Variants in DISC1 observed in about 807,000 individuals in gnomAD.
DISC1 encodes DISC1 scaffold protein, also known as disrupted in schizophrenia 1 protein.
A neutral mutation model predicts 84.5 loss-of-function variants in DISC1; 57 were observed. That is an observed-to-expected ratio of 0.67 (90% CI 0.55 to 0.84). DISC1 has a LOEUF of 0.84. Among genes scored for constraint, DISC1 ranks in the 40% least tolerant of loss-of-function variants. The pLI is 0.00. For synonymous variants in DISC1, 411 were observed against 415.2 expected (o/e 0.99, Z 0.12); for missense variants, 1,000 against 1,057.8 (o/e 0.95, Z 0.76).
At chr1:231,907,131 C>CTTTTTCTTTCTT (rs1334782802) in intron 9 of DISC1, among the ~76,000 whole-genome samples, 4 of 93,100 alleles carry the variant, frequency 4.3e-5, no homozygotes, top group Non-Finnish European at 8.0e-5. Flanking sequence ...TCCTTCCTTC[C>CTTTTTCTTTCTT]TCTTTCTTTC....
chr1:231,847,323 C>T (rs2083524788), intron 9 of DISC1, among the ~76,000 whole-genome samples: 1 of 152,148 alleles, frequency 6.6e-6, no homozygotes, highest in South Asian at 2.1e-4. Context: ...GTTATCACCT[C>T]TCTAAAGACC....
chr1:232,004,909 C>A (rs1352065069), intron 10 of DISC1, among the ~76,000 whole-genome samples: 1 of 118,116 alleles, frequency 8.5e-6, no homozygotes, highest in African/African-American at 3.2e-5. Flanking sequence ...TCCTTCTTTC[C>A]TTCCTTCCTT....
intron 9 of DISC1, among the ~76,000 whole-genome samples, chr1:231,892,011 G>A (rs915517571): frequency 3.3e-5 from 5 of 152,098 alleles, no homozygotes; most frequent in Non-Finnish European, 7.3e-5. Context: ...ATTTCTGGCT[G>A]GAGGTTCCGA....
Position 231,630,234 on chromosome 1 carries a change from A to C in DISC1, c.67+3300A>C, listed in dbSNP as rs930903301. Reference sequence around the variant, plus strand: ...ATGAGCCACTGCGCCGGGCCCTTTAAACAAGATTTAAAGACCAGCACACAA... The same window carrying C: ...ATGAGCCACTGCGCCGGGCCCTTTACACAAGATTTAAAGACCAGCACACAA... On this transcript the variant is annotated intron_variant, in intron 1 of 12. Coordinates refer to ENST00000439617, the MANE Select transcript of DISC1 (RefSeq NM_018662.3). This position sits in a 1 kb window ranked among gnomAD's most constrained non-coding sequence, Gnocchi z 4.4. 6.6e-6 allele frequency among the ~76,000 whole-genome samples: 1 copy of C among 152,190 alleles called. No individual in the cohort carries two copies.
chr1:231,778,409 A>G (rs971173045), intron 6 of DISC1, among the ~76,000 whole-genome samples: 4 of 152,180 alleles, frequency 2.6e-5, no homozygotes, highest in African/African-American at 9.7e-5. Context: ...AACCCCTCAT[A>G]ATTCTATTCC....
At chr1:231,706,460 C>T (rs892197461) in intron 3 of DISC1, among the ~76,000 whole-genome samples, 6 of 152,312 alleles carry the variant, frequency 3.9e-5, no homozygotes, top group East Asian at 3.9e-4. Flanking sequence ...CCTGGCTGCT[C>T]GTGTCCCATG....
rs575801135 is a variant in DISC1 at position 231,951,379 on chromosome 1, T to C, written c.1982-7449T>C. 2.0e-5 allele frequency among the ~76,000 whole-genome samples: 3 copies of C among 152,318 alleles called. No homozygotes were observed. In the South Asian group the frequency reaches 6.2e-4, roughly 32 times the overall value. On this transcript the variant is annotated intron_variant, in intron 9 of 12. Transcript: ENST00000439617. ...ATCATAATGTAAGCTTGGAGGGAAA[T>C]GATTTGGAAATAATTGGGAAGGTAA...
At chr1:232,027,375 C>T (rs200196580) in intron 12 of DISC1, among the ~76,000 whole-genome samples, 18 of 152,330 alleles carry the variant, frequency 1.2e-4, no homozygotes, top group South Asian at 2.1e-4. Context: ...TTCTGCTTCC[C>T]GGTGATAGAA....
intron 1 of DISC1, among the ~76,000 whole-genome samples, chr1:231,684,059 T>A (rs960204232): frequency 1.3e-5 from 2 of 152,098 alleles, no homozygotes; most frequent in Non-Finnish European, 2.9e-5. Flanking sequence ...GGTCTGCATC[T>A]GCTTGTTGAC....
chr1:231,967,303 G>A (rs894896531), intron 10 of DISC1, among the ~76,000 whole-genome samples: 15 of 152,294 alleles, frequency 9.8e-5, no homozygotes, highest in Middle Eastern at 3.4e-3. Context: ...GACGGGAACC[G>A]GGGTCAAAAA....
chr1:232,026,479 C>T lies in DISC1; in HGVS notation c.2352C>T (p.Asp784=). ...LSAELGEKCE[D]IGKKLLYLED... is the part of the protein sequence containing the mutation. ...CAGAACTTGGAGAAAAGTGTGAAGACATAGGCAAGAAGCTATTGTACTTGG... is the reference window on the plus strand; with the variant it reads ...CAGAACTTGGAGAAAAGTGTGAAGATATAGGCAAGAAGCTATTGTACTTGG... Residue 784 remains aspartate (D), a synonymous_variant, in exon 12 of 13, where the codon GAC becomes GAT. Transcript: ENST00000439617. 2 of 1,608,734 alleles carry T rather than the reference C, an allele frequency of 1.2e-6. No individual in the cohort carries two copies. The highest frequency in any genetic ancestry group is 1.7e-6 in the Non-Finnish European group (2 of 1,177,442).
intron 1 of DISC1, among the ~76,000 whole-genome samples, chr1:231,668,800 G>A (rs917003517): frequency 1.3e-5 from 2 of 152,182 alleles, no homozygotes; most frequent in African/African-American, 4.8e-5. Context: ...GAGACTGGCT[G>A]GTGTTTGGGA....
At chr1:231,677,147 G>A (rs1351546017) in intron 1 of DISC1, among the ~76,000 whole-genome samples, 1 of 152,176 alleles carries the variant, frequency 6.6e-6, no homozygotes, top group East Asian at 1.9e-4. Context: ...CTACAGCTTA[G>A]ATGATATTTT....
At chr1:231,935,823 A>C (rs2090949808) in intron 9 of DISC1, among the ~76,000 whole-genome samples, 2 of 152,202 alleles carry the variant, frequency 1.3e-5, no homozygotes, top group Non-Finnish European at 2.9e-5. Flanking sequence ...TGCAAAATAG[A>C]ATTTTCCAGA....
intron 1 of DISC1, among the ~76,000 whole-genome samples, chr1:231,638,872 C>G (rs2059400876): frequency 6.6e-6 from 1 of 152,096 alleles, no homozygotes; most frequent in African/African-American, 2.4e-5. Context: ...TGTGAATCAT[C>G]AGGAATTTAG....
chr1:231,768,997 C>T (rs2076363037), intron 5 of DISC1, among the ~76,000 whole-genome samples: 2 of 152,096 alleles, frequency 1.3e-5, no homozygotes, highest in African/African-American at 2.4e-5. Context: ...GCTGGAGGCC[C>T]ATGTGGCTGG....
chr1:231,657,307 A>G (rs1441792146), intron 1 of DISC1, among the ~76,000 whole-genome samples: 2 of 152,122 alleles, frequency 1.3e-5, no homozygotes, highest in Non-Finnish European at 2.9e-5. Flanking sequence ...GTTTTTTGAC[A>G]TCTTAGTAAC....
intron 9 of DISC1, among the ~76,000 whole-genome samples, chr1:231,907,435 T>C (rs1356367045): frequency 2.0e-5 from 3 of 150,906 alleles, no homozygotes; most frequent in East Asian, 1.9e-4. Context: ...TCTGTCCTTG[T>C]GATAGTTTGC....
intron 10 of DISC1, among the ~76,000 whole-genome samples, chr1:232,004,533 A>G (rs2806474): frequency 0.29 from 43,677 of 152,030 alleles, 6,545 homozygotes; most frequent in African/African-American, 0.34. Flanking sequence ...CTTGAATAGA[A>G]TGTAAAAGTT....
Sources: gnomAD v4.1 joint callset for allele counts (sites outside exome capture counted in the v4.1 genomes callset) on GRCh38, gnomAD v4.1.1 for gene constraint, Gnocchi (gnomAD v3.1) non-coding constraint, MANE v1.5 for transcripts, NCBI Gene and HGNC (gene_info 2026-07-23, HGNC 2026-07-21) for gene names.